VAV3: variants seen among roughly 807,000 people sequenced by gnomAD.
VAV3 encodes vav guanine nucleotide exchange factor 3, also known as guanine nucleotide exchange factor VAV3.
Under a neutral mutation model 131.2 loss-of-function variants are expected in VAV3, and 94 were observed. The observed-to-expected ratio is 0.72, with a 90% confidence interval of 0.61 to 0.85. The LOEUF is 0.85. Among genes scored for constraint, VAV3 ranks in the 40% least tolerant of loss-of-function variants. The pLI, the probability that VAV3 is intolerant of heterozygous loss-of-function variation, is 0.00. For synonymous variants in VAV3, 349 were observed against 342.0 expected (o/e 1.02, Z -0.22); for missense variants, 939 against 1,002.7 (o/e 0.94, Z 0.86).
intron 15 of VAV3, among the ~76,000 whole-genome samples, chr1:107,733,593 T>C (rs186126794): frequency 1.4e-4 from 22 of 152,212 alleles, no homozygotes; most frequent in Admixed American, 1.4e-3. Context: ...ACGTGACTCA[T>C]ACACAAGCTT....
At chr1:107,771,744 C>T (rs898789752) in intron 5 of VAV3, among the ~76,000 whole-genome samples, 3 of 152,340 alleles carry the variant, frequency 2.0e-5, no homozygotes, top group African/African-American at 7.2e-5. Flanking sequence ...CTGTTCACCC[C>T]ATCAGCTGAG....
intron 6 of VAV3, among the ~76,000 whole-genome samples, chr1:107,769,267 AAAAC>A (rs1434311324): frequency 6.6e-6 from 1 of 152,122 alleles, no homozygotes; most frequent in Admixed American, 6.5e-5. Context: ...CTTTTCTAGA[AAAAC>A]AAACACCCTG....
chr1:107,832,147 A>G (rs1668280275), intron 2 of VAV3, among the ~76,000 whole-genome samples: 1 of 152,248 alleles, frequency 6.6e-6, no homozygotes, highest in Non-Finnish European at 1.5e-5. Flanking sequence ...CTTGGCAGCC[A>G]TGGGGACTGA....
chr1:107,867,479 G>A (rs1420905590), intron 2 of VAV3, among the ~76,000 whole-genome samples: 1 of 152,122 alleles, frequency 6.6e-6, no homozygotes, highest in Non-Finnish European at 1.5e-5. Context: ...AAACAAAGGA[G>A]GGCAATAGTG....
At position 107,964,888 on chromosome 1, in the gene VAV3, G is replaced by C; in HGVS notation, c.-19C>G. The C allele has an allele frequency of 1.4e-6, 2 of 1,441,046 alleles. No homozygotes were observed. Among genetic ancestry groups the C allele is most frequent in the Non-Finnish European group, 1.8e-6 (2 of 1,083,728 alleles). 89.3% of individuals were successfully genotyped at this position (1,441,046 alleles called of 1,614,324 possible). A position where few individuals can be genotyped will look rare whatever the true frequency, so the allele number is the denominator to read the frequency against. On this transcript the variant is annotated 5_prime_UTR_variant, in exon 1 of 27. Transcript: ENST00000370056. ...GCTCCATGCCCGACGGCTCCGGGAC[G>C]CGGCTGGGCCGGGGCGGGCGGCAAG...
At chr1:107,720,426 A>G (rs1025449211) in intron 15 of VAV3, among the ~76,000 whole-genome samples, 4 of 136,028 alleles carry the variant, frequency 2.9e-5, no homozygotes, top group African/African-American at 1.1e-4. Flanking sequence ...TAAATAAATA[A>G]ATAAAAGTTC....
At chr1:107,683,369 A>T in intron 19 of VAV3, 119 bp downstream of exon 19, 1 of 1,161,246 alleles carries the variant, frequency 8.6e-7, no homozygotes. Flanking sequence ...CACACATTAT[A>T]CACCAAATTA....
At chr1:107,627,443 T>C (rs1454315615) in intron 20 of VAV3, among the ~76,000 whole-genome samples, 2 of 152,222 alleles carry the variant, frequency 1.3e-5, no homozygotes, top group Non-Finnish European at 2.9e-5. Context: ...GAAGGCAGAA[T>C]AGTCTTCTAT....
In VAV3 at chr1:107,808,029, A is replaced by G. The variant is rs189682430; in HGVS notation, c.322-28537T>C. Among the ~76,000 whole-genome samples, 4 of 152,312 alleles carry G rather than the reference A, an allele frequency of 2.6e-5. No homozygotes were observed. In the East Asian group the frequency reaches 7.7e-4, roughly 29 times the overall value. ...TGCGGCTATTTTCATAAACCTGACC[A>G]ATGATGATTGATTTTGGAATCCAAA... is the stretch of plus-strand genomic sequence containing the variant. On this transcript the variant is annotated intron_variant, in intron 2 of 26. Coordinates refer to ENST00000370056, the MANE Select transcript of VAV3 (RefSeq NM_006113.5).
intron 19 of VAV3, among the ~76,000 whole-genome samples, chr1:107,681,298 G>A (rs1002182062): frequency 6.6e-6 from 1 of 152,128 alleles, no homozygotes; most frequent in Non-Finnish European, 1.5e-5. Flanking sequence ...ATAATGCATT[G>A]TGGAAGCAGT....
At chr1:107,785,474 C>A in intron 2 of VAV3, 1 of 1,325,538 alleles carries the variant, frequency 7.5e-7, no homozygotes, top group Non-Finnish European at 9.9e-7. Flanking sequence ...GTGGGCTCTG[C>A]AAGGGCAATC....
chr1:107,751,316 T>G, intron 12 of VAV3, 114 bp from the exon 13 acceptor site: 1 of 818,646 alleles, frequency 1.2e-6, no homozygotes, highest in African/African-American at 1.8e-5. Context: ...AATGTTACCA[T>G]TTTTTATACT....
At chr1:107,667,886 T>A (rs2101656411) in intron 19 of VAV3, among the ~76,000 whole-genome samples, 1 of 152,278 alleles carries the variant, frequency 6.6e-6, no homozygotes, top group East Asian at 1.9e-4. Flanking sequence ...TTGCTTGGAA[T>A]CGTAGCATCC....
intron 15 of VAV3, among the ~76,000 whole-genome samples, chr1:107,740,830 C>T (rs1295717355): frequency 1.3e-5 from 2 of 152,192 alleles, no homozygotes; most frequent in Non-Finnish European, 2.9e-5. Flanking sequence ...TGGCTGCATT[C>T]GTAGTTAACT....
chr1:107,804,177 GTTTC>G (rs1308956962), intron 2 of VAV3, among the ~76,000 whole-genome samples: 1 of 152,020 alleles, frequency 6.6e-6, no homozygotes, highest in East Asian at 1.9e-4. Context: ...GTTAGGTCTT[GTTTC>G]TTTATGTATT....
At chr1:107,753,380 C>G (rs867206700) in intron 12 of VAV3, among the ~76,000 whole-genome samples, 1 of 151,316 alleles carries the variant, frequency 6.6e-6, no homozygotes, top group South Asian at 2.1e-4. Context: ...TGGAGACGGT[C>G]ACACAACATC....
intron 2 of VAV3, among the ~76,000 whole-genome samples, chr1:107,822,768 T>C (rs971167745): frequency 6.6e-6 from 1 of 152,166 alleles, no homozygotes; most frequent in African/African-American, 2.4e-5. Flanking sequence ...AAAGATGATG[T>C]TGGCATGAAC....
chr1:107,707,411 T>A (rs1317125497), intron 15 of VAV3, among the ~76,000 whole-genome samples: 1 of 152,164 alleles, frequency 6.6e-6, no homozygotes, highest in East Asian at 1.9e-4. Context: ...AAAACCAAAC[T>A]CATCAAGTGA....
At chr1:107,609,193 T>C (rs1652528928) in intron 22 of VAV3, among the ~76,000 whole-genome samples, 1 of 152,238 alleles carries the variant, frequency 6.6e-6, no homozygotes, top group Non-Finnish European at 1.5e-5. Context: ...ATACTCAGTA[T>C]ATATTAGTTA....
Sources: allele counts gnomAD v4.1 joint callset (sites outside exome capture counted in the v4.1 genomes callset), GRCh38; gene constraint gnomAD v4.1.1; transcripts MANE v1.5; gene names NCBI Gene and HGNC (gene_info 2026-07-23, HGNC 2026-07-21).